Variants in SPATA6L observed in about 807,000 individuals in gnomAD.
The protein encoded by SPATA6L is spermatogenesis associated 6 like.
SPATA6L carries 68 observed loss-of-function variants against 49.2 expected under a neutral mutation model. The ratio of observed to expected loss-of-function variants is 1.38; its 90% CI spans 1.14 to 1.69. The LOEUF (loss-of-function observed/expected upper bound fraction) is 1.69, where lower values mean the gene tolerates loss of function less well. Among genes scored for constraint, SPATA6L ranks in the 40% most tolerant of loss-of-function variants. The pLI is 0.00. For missense variants in SPATA6L, 668 were observed against 464.3 expected (o/e 1.44, Z -4.03); for synonymous variants, 198 against 165.7 (o/e 1.19, Z -1.50).
intron 3 of SPATA6L, among the ~76,000 whole-genome samples, chr9:4,643,398 G>C (rs554376495): frequency 6.6e-6 from 1 of 152,260 alleles, no homozygotes; most frequent in South Asian, 2.1e-4. Flanking sequence ...AGAAGTATTG[G>C]AACCTTATTG....
chr9:4,594,680 G>C (rs1822128762), downstream of SPATA6L, among the ~76,000 whole-genome samples: 1 of 152,134 alleles, frequency 6.6e-6, no homozygotes, highest in African/African-American at 2.4e-5. Context: ...GCCCCTGAGT[G>C]AACAGTGATG....
At chr9:4,613,650 C>G (rs1827295361) in intron 9 of SPATA6L, among the ~76,000 whole-genome samples, 1 of 152,056 alleles carries the variant, frequency 6.6e-6, no homozygotes, top group African/African-American at 2.4e-5. Flanking sequence ...GTGGCGCTAC[C>G]TCCGCTCACT....
At chr9:4,592,201 G>T (rs925822122) in intron 13 of SPATA6L, among the ~76,000 whole-genome samples, 2 of 151,748 alleles carry the variant, frequency 1.3e-5, no homozygotes, top group Admixed American at 6.6e-5. Flanking sequence ...TGTAGTCCCA[G>T]CTACTCGGGA....
At chr9:4,629,767 G>GTATATATATATATATATA (rs1423783733) in intron 4 of SPATA6L, among the ~76,000 whole-genome samples, 13 of 88,890 alleles carry the variant, frequency 1.5e-4, no homozygotes, top group African/African-American at 8.3e-4. Context: ...GTGTGTGTGT[G>GTATATATATATATATATA]TGTATATATA....
In SPATA6L at chr9:4,605,365, T is replaced by G. The variant is rs544467268; in HGVS notation, c.1071A>C (p.Ala357=). ...RVCSLLTSHR[A]QLHQNKEDST... ...GTCTAACCTTGTTTTGGTGCAGCTG[T>G]GCTCTGTGGGATGTCAGAAGACTGC... is the stretch of plus-strand genomic sequence containing the variant. Residue 357 remains alanine (A), a synonymous_variant, in exon 10 of 12, where the codon GCA becomes GCC. Transcript: ENST00000682582. The G allele has an allele frequency of 9.3e-6, 15 of 1,614,064 alleles. No homozygotes were observed. The highest frequency in any genetic ancestry group is 8.8e-5 in the South Asian group (8 of 91,084).
In SPATA6L at chr9:4,640,644, CACCAGCA is replaced by C. The variant is rs1278908710; in HGVS notation, c.227-5252_227-5246del. 2.7e-3 allele frequency among the ~76,000 whole-genome samples: 413 copies of C among 152,232 alleles called. 2 individuals are homozygous for C. The highest frequency in any genetic ancestry group is 9.5e-3 in the African/African-American group (394 of 41,520). ...ACTGCCACTACTACGTGCCCGGAGC[CACCAGCA>C]TCACACTAGGAAGACTGGCACAGTG... On this transcript the variant is annotated intron_variant, in intron 3 of 11. Coordinates refer to ENST00000682582, the MANE Select transcript of SPATA6L (RefSeq NM_001353486.2).
At chr9:4,624,293 G>T (rs569433551) in intron 6 of SPATA6L, among the ~76,000 whole-genome samples, 135 of 152,208 alleles carry the variant, frequency 8.9e-4, no homozygotes, top group African/African-American at 3.2e-3. Flanking sequence ...CAACTTTGTG[G>T]AAAAAATAAA....
intron 9 of SPATA6L, among the ~76,000 whole-genome samples, chr9:4,607,089 A>T (rs1825445654): frequency 6.6e-6 from 1 of 152,016 alleles, no homozygotes; most frequent in South Asian, 2.1e-4. Context: ...AGGGAAGTTT[A>T]GAGAAAAAAG....
chr9:4,623,237 G>A (rs1353828731), intron 6 of SPATA6L, among the ~76,000 whole-genome samples: 2 of 152,118 alleles, frequency 1.3e-5, no homozygotes, highest in Non-Finnish European at 2.9e-5. Flanking sequence ...CTGAGATCAT[G>A]CCATTGTACT....
intron 11 of SPATA6L, among the ~76,000 whole-genome samples, chr9:4,603,605 G>A (rs10815031): frequency 0.17 from 25,515 of 152,056 alleles, 3,186 homozygotes; most frequent in East Asian, 0.34. Context: ...TAAATACTGC[G>A]TATAAAGCAG....
rs1360155557 is a variant in SPATA6L at position 4,600,644 on chromosome 9, A to G, written c.*167T>C. On this transcript the variant is annotated 3_prime_UTR_variant, in exon 12 of 12. Coordinates refer to ENST00000682582, the MANE Select transcript of SPATA6L (RefSeq NM_001353486.2). ...CCAAACAGCAAACACTTTAATCAACAACTCTTACCTGGGCACAAAAGACTG... is the reference window on the plus strand; with the variant it reads ...CCAAACAGCAAACACTTTAATCAACGACTCTTACCTGGGCACAAAAGACTG... The G allele has an allele frequency of 1.3e-5, 2 of 152,200 alleles. No homozygotes were observed. Among genetic ancestry groups the G allele is most frequent in the African/African-American group, 2.4e-5 (1 of 41,444 alleles). The allele number at this position is 152,200 out of a possible 1,614,324, so 9.4% of individuals were successfully genotyped here.
downstream of SPATA6L, among the ~76,000 whole-genome samples, chr9:4,595,452 C>T (rs530653605): frequency 5.5e-4 from 84 of 152,340 alleles, no homozygotes; most frequent in Admixed American, 1.2e-3. Flanking sequence ...ACAAGATCAT[C>T]AGATTAATAC....
chr9:4,613,601 T>C (rs79991145), intron 9 of SPATA6L, among the ~76,000 whole-genome samples: 1 of 152,128 alleles, frequency 6.6e-6, no homozygotes, highest in African/African-American at 2.4e-5. Flanking sequence ...TTTTTTTTTT[T>C]GACCCAGAGT....
chr9:4,640,228 C>G (rs1037036008), intron 3 of SPATA6L, among the ~76,000 whole-genome samples: 1 of 152,148 alleles, frequency 6.6e-6, no homozygotes, highest in Non-Finnish European at 1.5e-5. Context: ...CACGCTGCCC[C>G]CCTGTGTCCA....
rs547269163 is a variant in SPATA6L at position 4,655,946 on chromosome 9, G to T, written c.226+95C>A. 11 of 950,440 alleles carry T rather than the reference G, an allele frequency of 1.2e-5. No homozygotes were observed. The Admixed American group carries it at 1.2e-4, about 10-fold the overall frequency. The allele number at this position is 950,440 out of a possible 1,614,324, so 58.9% of individuals were successfully genotyped here. A position where few individuals can be genotyped will look rare whatever the true frequency, so the allele number is the denominator to read the frequency against. On this transcript the variant is annotated intron_variant, in intron 3 of 11. Coordinates refer to ENST00000682582, the MANE Select transcript of SPATA6L (RefSeq NM_001353486.2). ...CTTGAAATAAATATTCATCAAACATGAACATATCACAGTTTAGAAAAGAGC... is the reference window on the plus strand; with the variant it reads ...CTTGAAATAAATATTCATCAAACATTAACATATCACAGTTTAGAAAAGAGC...
At position 4,662,929 on chromosome 9, in the gene SPATA6L, G is replaced by C; in HGVS notation, c.40-893C>G. ...CTGCTGCTGGTGGCCTTGATCAAAG[G>C]GCTGGTCCGCAGGCGCCGCCCGGCC... On this transcript the variant is annotated intron_variant, in intron 1 of 11. Transcript: ENST00000682582. The surrounding 1 kb of genome is among the most constrained non-coding windows in gnomAD (Gnocchi z 4.9). 6 of 1,610,956 alleles carry C rather than the reference G, an allele frequency of 3.7e-6. No homozygotes were observed. The highest frequency in any genetic ancestry group is 1.1e-5 in the South Asian group (1 of 91,052).
chr9:4,666,324 T>G lies in SPATA6L; in HGVS notation c.-74A>C, dbSNP rs1348780909. On this transcript the variant is annotated 5_prime_UTR_variant, in exon 1 of 12. Coordinates refer to ENST00000682582, the MANE Select transcript of SPATA6L (RefSeq NM_001353486.2). ...CGAGCCTTGGACCAATTTTTCTTAGTTTAGCTGAATACCTAGAGCAAATGT... is the reference window on the plus strand; with the variant it reads ...CGAGCCTTGGACCAATTTTTCTTAGGTTAGCTGAATACCTAGAGCAAATGT... 1.3e-6 allele frequency: 2 copies of G among 1,488,388 alleles called. No homozygotes were observed. Among genetic ancestry groups the G allele is most frequent in the Admixed American group, 3.4e-5 (2 of 58,726 alleles). The allele number at this position is 1,488,388 out of a possible 1,614,324, so 92.2% of individuals were successfully genotyped here.
intron 3 of SPATA6L, among the ~76,000 whole-genome samples, chr9:4,645,876 G>C (rs138894913): frequency 5.9e-5 from 9 of 152,156 alleles, no homozygotes; most frequent in African/African-American, 2.2e-4. Flanking sequence ...ACAGAATTTC[G>C]TTTTGGGGTA....
intron 3 of SPATA6L, among the ~76,000 whole-genome samples, chr9:4,647,987 A>G (rs1835815938): frequency 6.6e-6 from 1 of 152,040 alleles, no homozygotes; most frequent in African/African-American, 2.4e-5. Context: ...GGCACGTACC[A>G]CAGCGCCCAG....
Sources: allele counts gnomAD v4.1 joint callset (sites outside exome capture counted in the v4.1 genomes callset), GRCh38; gene constraint gnomAD v4.1.1; non-coding constraint Gnocchi (gnomAD v3.1); transcripts MANE v1.5; gene names NCBI Gene and HGNC (gene_info 2026-07-23, HGNC 2026-07-21).